Variants in PLEKHO2 observed in about 807,000 individuals in gnomAD.
PLEKHO2 encodes pleckstrin homology domain-containing family O member 2.
PLEKHO2 carries 20 observed loss-of-function variants against 32.7 expected under a neutral mutation model. The observed-to-expected ratio is 0.61, with a 90% CI of 0.43 to 0.89. PLEKHO2 has a LOEUF of 0.89. Ranked by LOEUF, PLEKHO2 falls within the 40% of genes least tolerant of loss-of-function variation. The pLI, the probability that PLEKHO2 is intolerant of heterozygous loss-of-function variation, is 0.00. For synonymous variants in PLEKHO2, 247 were observed against 246.3 expected (o/e 1.00, Z -0.03); for missense variants, 568 against 621.2 (o/e 0.91, Z 0.91).
At position 64,864,839 on chromosome 15, in the gene PLEKHO2, C is replaced by T. The variant is rs576179271; in HGVS notation, c.484-60C>T. 9.9e-6 allele frequency: 15 copies of T among 1,516,994 alleles called. No individual in the cohort carries two copies. The Admixed American group carries it at 3.2e-4, about 32-fold the overall frequency. 94.0% of individuals were successfully genotyped at this position (1,516,994 alleles called of 1,614,324 possible). A position where few individuals can be genotyped will look rare whatever the true frequency, so the allele number is the denominator to read the frequency against. On this transcript the variant is annotated intron_variant, in intron 5 of 5. Transcript: ENST00000323544. ...GAGGGTAAGAACTCGTGTCAGTGGG[C>T]ACACCTGACCCAATGGCTAGTCAGC...
chr15:64,857,072 G>T (rs2084610900), intron 3 of PLEKHO2, among the ~76,000 whole-genome samples: 1 of 152,224 alleles, frequency 6.6e-6, no homozygotes, highest in Admixed American at 6.5e-5. Flanking sequence ...GGTGGCCACT[G>T]CTGGGCCTTG....
chr15:64,848,544 T>C, intron 1 of PLEKHO2, 49 bp from the exon 2 acceptor site: 1 of 1,610,640 alleles, frequency 6.2e-7, no homozygotes, highest in East Asian at 2.2e-5. Context: ...CTGTGACCTG[T>C]GACCCCATGG....
intron 2 of PLEKHO2, among the ~76,000 whole-genome samples, chr15:64,850,807 GA>G (rs1357370211): frequency 4.6e-5 from 7 of 152,254 alleles, no homozygotes; most frequent in Non-Finnish European, 8.8e-5. Context: ...ACTTGAGGAA[GA>G]AAAGTGGTTT....
chr15:64,843,378 A>G (rs1486697664), intron 1 of PLEKHO2, among the ~76,000 whole-genome samples: 2 of 152,150 alleles, frequency 1.3e-5, no homozygotes, highest in Non-Finnish European at 2.9e-5. Context: ...TGGGGCTGCC[A>G]TCTGCCTGCC....
At chr15:64,858,065 G>T (rs537875263) in intron 3 of PLEKHO2, among the ~76,000 whole-genome samples, 1 of 152,214 alleles carries the variant, frequency 6.6e-6, no homozygotes, top group Non-Finnish European at 1.5e-5. Context: ...AGCAGGTCCC[G>T]TCACAGAGTT....
chr15:64,855,905 C>T (rs2084603512), intron 3 of PLEKHO2, among the ~76,000 whole-genome samples: 1 of 152,126 alleles, frequency 6.6e-6, no homozygotes, highest in Non-Finnish European at 1.5e-5. Context: ...GTTTCTCCCC[C>T]AGCTTTAGGG....
intron 4 of PLEKHO2, among the ~76,000 whole-genome samples, chr15:64,860,570 T>A (rs2084634509): frequency 6.6e-6 from 1 of 152,204 alleles, no homozygotes; most frequent in South Asian, 2.1e-4. Flanking sequence ...ATCACGGATC[T>A]TTGGTTATTT....
At chr15:64,853,145 A>G (rs2084581006) in intron 2 of PLEKHO2, among the ~76,000 whole-genome samples, 1 of 151,636 alleles carries the variant, frequency 6.6e-6, no homozygotes, top group Non-Finnish European at 1.5e-5. Context: ...TCTCAAAAAA[A>G]CAAAAAACAA....
At chr15:64,844,190 G>C (rs2084506628) in intron 1 of PLEKHO2, among the ~76,000 whole-genome samples, 1 of 152,168 alleles carries the variant, frequency 6.6e-6, no homozygotes, top group African/African-American at 2.4e-5. Flanking sequence ...CAGCCCTCCT[G>C]CTAGCTTTCA....
intron 2 of PLEKHO2, among the ~76,000 whole-genome samples, chr15:64,851,744 A>G (rs1335085961): frequency 3.9e-5 from 6 of 151,906 alleles, no homozygotes; most frequent in Non-Finnish European, 8.8e-5. Flanking sequence ...TGGAGAGGAG[A>G]CCCAGGACAG....
At chr15:64,855,953 A>G (rs975153853) in intron 3 of PLEKHO2, among the ~76,000 whole-genome samples, 1 of 146,360 alleles carries the variant, frequency 6.8e-6, no homozygotes, top group Admixed American at 6.6e-5. Flanking sequence ...TGAAGACCAC[A>G]ATGCTTTACT....
rs763178632 is a variant in PLEKHO2, at chr15:64,865,742, T to A, written c.1327T>A (p.Leu443Met). 6.2e-7 allele frequency: 1 copy of A among 1,614,180 alleles called. No individual in the cohort carries two copies. Among genetic ancestry groups the A allele is most frequent in the East Asian group, 2.2e-5 (1 of 44,876 alleles). Residue 443 changes from leucine to methionine, a missense_variant, in exon 6 of 6, where the codon TTG becomes ATG. Transcript: ENST00000323544. ...GCCGGCCCCTGTTAGTGCCGAAACA[T>A]TGCTCAGCCAGGCTGTGGAGCAGCT... ...SEPAPVSAETLLSQAVEQLRQ... is the reference protein window; with the variant it reads ...SEPAPVSAETMLSQAVEQLRQ...
chr15:64,842,390 CTGTGTGTG>C (rs1184410989), intron 1 of PLEKHO2, among the ~76,000 whole-genome samples: 11 of 145,192 alleles, frequency 7.6e-5, no homozygotes, highest in South Asian at 2.2e-4. Flanking sequence ...CTCTCTCTCT[CTGTGTGTG>C]TGTGTGTGTG....
At chr15:64,849,898 C>T (rs2084553962) in intron 2 of PLEKHO2, among the ~76,000 whole-genome samples, 1 of 151,436 alleles carries the variant, frequency 6.6e-6, no homozygotes, top group Non-Finnish European at 1.5e-5. Context: ...TAGTGGCTTA[C>T]ACCTATAATC....
At chr15:64,846,803 A>G (rs1243828070) in intron 1 of PLEKHO2, among the ~76,000 whole-genome samples, 2 of 152,232 alleles carry the variant, frequency 1.3e-5, no homozygotes, top group Non-Finnish European at 2.9e-5. Flanking sequence ...CCTGAGAGCC[A>G]GAGAGGATGG....
Position 64,841,955 on chromosome 15 carries a change from T to C in PLEKHO2, c.-62T>C. The C allele has an allele frequency of 8.1e-7, 1 of 1,240,338 alleles. No homozygotes were observed. Among genetic ancestry groups the C allele is most frequent in the Non-Finnish European group, 1.0e-6 (1 of 991,754 alleles). The allele number at this position is 1,240,338 out of a possible 1,614,324, so 76.8% of individuals were successfully genotyped here. On this transcript the variant is annotated 5_prime_UTR_variant, in exon 1 of 6. Coordinates refer to ENST00000323544, the MANE Select transcript of PLEKHO2 (RefSeq NM_025201.5). ...GCCGCCTGGCCGGGCGTAGACGCGGTGGCAGAGCCCGCGCGGCGCTGGAAG... is the reference window on the plus strand; with the variant it reads ...GCCGCCTGGCCGGGCGTAGACGCGGCGGCAGAGCCCGCGCGGCGCTGGAAG...
At chr15:64,853,284 T>TC (rs1252101539) in intron 2 of PLEKHO2, among the ~76,000 whole-genome samples, 1 of 148,048 alleles carries the variant, frequency 6.8e-6, no homozygotes, top group Non-Finnish European at 1.5e-5. Flanking sequence ...TTTTTCTTTT[T>TC]TTTTTTTTTT....
At chr15:64,850,135 G>A (rs2084556238) in intron 2 of PLEKHO2, among the ~76,000 whole-genome samples, 1 of 151,886 alleles carries the variant, frequency 6.6e-6, no homozygotes, top group African/African-American at 2.4e-5. Context: ...ACTCCAGCCT[G>A]GACAACAAGA....
rs567199551 is a variant in PLEKHO2, at chr15:64,862,393, A to G, written c.483+818A>G. 5.0e-3 allele frequency among the ~76,000 whole-genome samples: 756 copies of G among 151,874 alleles called. 6 individuals carry two copies. Among genetic ancestry groups the G allele is most frequent in the Non-Finnish European group, 4.7e-3 (322 of 67,970 alleles). ...AGCCACCTGGGCTTGTGATTGAGTC[A>G]GGGGATTGGACCAAGGGAAGGTTGT... On this transcript the variant is annotated intron_variant, in intron 5 of 5. Coordinates refer to ENST00000323544, the MANE Select transcript of PLEKHO2 (RefSeq NM_025201.5).
Sources: allele counts gnomAD v4.1 joint callset (sites outside exome capture counted in the v4.1 genomes callset), GRCh38; gene constraint gnomAD v4.1.1; transcripts MANE v1.5; gene names NCBI Gene and HGNC (gene_info 2026-07-23, HGNC 2026-07-21).